AGXT2: variants seen among roughly 807,000 people sequenced by gnomAD.
The protein encoded by AGXT2 is alanine--glyoxylate aminotransferase 2, mitochondrial.
Under a neutral mutation model 62.5 loss-of-function variants are expected in AGXT2, and 61 were observed. The ratio of observed to expected loss-of-function variants is 0.98; its 90% CI spans 0.79 to 1.21. The LOEUF (loss-of-function observed/expected upper bound fraction) is 1.21, where lower values mean the gene tolerates loss of function less well. Among genes scored for constraint, AGXT2 ranks in the 50% most tolerant of loss-of-function variants. The pLI, the probability that AGXT2 is intolerant of heterozygous loss-of-function variation, is 0.00. For missense variants in AGXT2, 666 were observed against 641.5 expected (o/e 1.04, Z -0.41); for synonymous variants, 243 against 218.7 (o/e 1.11, Z -0.98).
intron 11 of AGXT2, 91 bp from the exon 12 acceptor site, chr5:35,010,240 G>A (rs1208142265): frequency 6.7e-7 from 1 of 1,490,108 alleles, no homozygotes. Context: ...TGGCCCTCTT[G>A]TAACTTAACC....
chr5:35,039,036 T>C (rs1296329608), intron 3 of AGXT2, among the ~76,000 whole-genome samples: 1 of 152,086 alleles, frequency 6.6e-6, no homozygotes, highest in Non-Finnish European at 1.5e-5. Flanking sequence ...TGCACCCCTC[T>C]CTTTGGAAAG....
intron 7 of AGXT2, among the ~76,000 whole-genome samples, chr5:35,031,886 GT>G (rs34618446): frequency 0.42 from 49,634 of 119,282 alleles, 9,608 homozygotes; most frequent in East Asian, 0.51. Flanking sequence ...TTGATTTCTT[GT>G]TTTTTTTTTT....
In AGXT2 at chr5:35,030,232, G is replaced by C. The variant is rs1412438001; in HGVS notation, c.769+2500C>G. 1.6e-4 allele frequency among the ~76,000 whole-genome samples: 24 copies of C among 152,296 alleles called. No individual in the cohort carries two copies. The East Asian group carries it at 4.2e-3, about 27-fold the overall frequency. ...GTGAGTTAAGAAAACAGCTGGCCGG[G>C]CATGGTGGCTCACGCATGTGATCCC... On this transcript the variant is annotated intron_variant, in intron 7 of 13. Coordinates refer to ENST00000231420, the MANE Select transcript of AGXT2 (RefSeq NM_031900.4).
rs189537780 is a variant in AGXT2, at chr5:35,005,208, G to A, written c.1339-1347C>T. Among the ~76,000 whole-genome samples, 692 of 152,126 alleles carry A rather than the reference G, an allele frequency of 4.5e-3. 3 individuals carry two copies. The highest frequency in any genetic ancestry group is 0.016 in the African/African-American group (647 of 41,520). ...CCGGAGGGAAGGTTGGGTTGGGGGG[G>A]TCAGTTCTTTTGTTGTTGTTGTTGT... On this transcript the variant is annotated intron_variant, in intron 12 of 13. Coordinates refer to ENST00000231420, the MANE Select transcript of AGXT2 (RefSeq NM_031900.4).
Position 35,027,665 on chromosome 5 carries a change from G to C in AGXT2, c.770-1155C>G, listed in dbSNP as rs181894125. On this transcript the variant is annotated intron_variant, in intron 7 of 13. Transcript: ENST00000231420. ...GTATTGTATATTTATTTTTGACAAG[G>C]GGCAGTTTATTTTCCTTGGAATTTC... 2.1e-3 allele frequency among the ~76,000 whole-genome samples: 322 copies of C among 151,626 alleles called. 2 individuals are homozygous for C. Among genetic ancestry groups the C allele is most frequent in the Non-Finnish European group, 3.7e-3 (249 of 67,972 alleles).
chr5:35,008,536 A>T (rs1240745823), intron 12 of AGXT2, among the ~76,000 whole-genome samples: 1 of 152,202 alleles, frequency 6.6e-6, no homozygotes, highest in Non-Finnish European at 1.5e-5. Flanking sequence ...CACACACTGA[A>T]ATACGTTATG....
At chr5:34,998,955 C>A (rs1479949462) in intron 13 of AGXT2, 129 bp from the exon 14 acceptor site, 2 of 729,342 alleles carry the variant, frequency 2.7e-6, no homozygotes, top group African/African-American at 3.5e-5. Context: ...CAGTTTGGTT[C>A]CTCCTCCATC....
chr5:35,030,341 C>G (rs747650633), intron 7 of AGXT2, among the ~76,000 whole-genome samples: 3 of 152,136 alleles, frequency 2.0e-5, no homozygotes, highest in Non-Finnish European at 4.4e-5. Context: ...AACCCGGTCT[C>G]TACTAAAAAT....
At chr5:35,026,324 A>G (rs1032116566) in intron 8 of AGXT2, 86 bp downstream of exon 8, 6 of 1,126,518 alleles carry the variant, frequency 5.3e-6, no homozygotes, top group Non-Finnish European at 6.7e-6. Context: ...CACTTAATTC[A>G]TTTGGAATTC....
At chr5:35,034,793 A>G (rs1767703044) in intron 5 of AGXT2, among the ~76,000 whole-genome samples, 1 of 152,220 alleles carries the variant, frequency 6.6e-6, no homozygotes, top group African/African-American at 2.4e-5. Context: ...AGCTGGCACT[A>G]TGAAATCAGT....
Position 35,036,803 on chromosome 5 carries a change from A to AG in AGXT2, c.486+138dup, listed in dbSNP as rs1767782380. Reference sequence around the variant, plus strand: ...TCACCACTACAGATGTTCAGTGCACAGGCTAAATTCCCTGCCCATGTCCCT... The same window carrying AG: ...TCACCACTACAGATGTTCAGTGCACAGGGCTAAATTCCCTGCCCATGTCCCT... On this transcript the variant is annotated intron_variant, in intron 4 of 13. Transcript: ENST00000231420. 1.3e-5 allele frequency: 16 copies of AG among 1,238,872 alleles called. No homozygotes were observed. In the East Asian group the frequency reaches 3.3e-4, roughly 26 times the overall value. 76.7% of individuals were successfully genotyped at this position (1,238,872 alleles called of 1,614,324 possible). A position where few individuals can be genotyped will look rare whatever the true frequency, so the allele number is the denominator to read the frequency against.
intron 9 of AGXT2, among the ~76,000 whole-genome samples, chr5:35,022,286 T>C (rs1345333029): frequency 2.0e-5 from 3 of 151,976 alleles, no homozygotes; most frequent in South Asian, 2.1e-4. Context: ...ATGTTTATTG[T>C]GGCACTATTC....
At chr5:35,017,551 C>T (rs1766891467) in intron 9 of AGXT2, among the ~76,000 whole-genome samples, 1 of 152,184 alleles carries the variant, frequency 6.6e-6, no homozygotes, top group East Asian at 1.9e-4. Context: ...TTGTCTGCTA[C>T]CATGTAAGAT....
chr5:35,029,109 T>C (rs973490338), intron 7 of AGXT2, among the ~76,000 whole-genome samples: 2 of 152,150 alleles, frequency 1.3e-5, no homozygotes, highest in African/African-American at 2.4e-5. Context: ...AAGGAAGAAA[T>C]GACAAGTATA....
intron 12 of AGXT2, among the ~76,000 whole-genome samples, chr5:35,007,430 C>A (rs13163727): frequency 6.6e-6 from 1 of 152,112 alleles, no homozygotes. Flanking sequence ...AAGGGTGGAT[C>A]TCCTGGATAG....
Position 35,036,931 on chromosome 5 carries a change from G to A in AGXT2, c.486+11C>T. 1 of 1,613,820 alleles carries A rather than the reference G, an allele frequency of 6.2e-7. No homozygotes were observed. The highest frequency in any genetic ancestry group is 8.5e-7 in the Non-Finnish European group (1 of 1,179,940). On this transcript the variant is annotated intron_variant, in intron 4 of 13. Transcript: ENST00000231420. ...CCATAACATTCACCTCCTGCAGGAA[G>A]AGCATTGTACCTTAAGAGGCTCAGG...
At chr5:35,002,760 C>CT (rs1766276800) in intron 13 of AGXT2, among the ~76,000 whole-genome samples, 1 of 138,138 alleles carries the variant, frequency 7.2e-6, no homozygotes, top group East Asian at 2.2e-4. Context: ...GGCTATGGCG[C>CT]TTTGTGATAG....
At chr5:35,044,523 C>A (rs1314357051) in intron 1 of AGXT2, among the ~76,000 whole-genome samples, 1 of 152,232 alleles carries the variant, frequency 6.6e-6, no homozygotes, top group Non-Finnish European at 1.5e-5. Context: ...ATCCGCTAAG[C>A]AAAGCTGCTA....
intron 9 of AGXT2, among the ~76,000 whole-genome samples, chr5:35,016,169 A>T (rs1311393266): frequency 1.3e-5 from 2 of 152,164 alleles, no homozygotes; most frequent in African/African-American, 4.8e-5. Context: ...TTTTCACTCC[A>T]TCTAAATACC....
Sources: allele counts gnomAD v4.1 joint callset (sites outside exome capture counted in the v4.1 genomes callset), GRCh38; gene constraint gnomAD v4.1.1; transcripts MANE v1.5; gene names NCBI Gene and HGNC (gene_info 2026-07-23, HGNC 2026-07-21).